TSGA13: variants seen among roughly 807,000 people sequenced by gnomAD.
TSGA13 encodes the protein testis specific 13.
Under a neutral mutation model 35.1 loss-of-function variants are expected in TSGA13, and 37 were observed. The ratio of observed to expected loss-of-function variants is 1.05; its 90% CI spans 0.81 to 1.39. TSGA13 has a LOEUF of 1.39. Ranked by LOEUF, TSGA13 falls within the 40% of genes most tolerant of loss-of-function variation. The pLI is 0.00. For synonymous variants in TSGA13, 124 were observed against 121.2 expected, an observed-to-expected ratio of 1.02 and a Z score of -0.15; for missense variants, 338 against 328.5, an observed-to-expected ratio of 1.03 and a Z score of -0.22.
At chr7:130,678,846 A>G (rs1554464514) in intron 5 of TSGA13, among the ~76,000 whole-genome samples, 2 of 151,994 alleles carry the variant, frequency 1.3e-5, no homozygotes, top group African/African-American at 4.8e-5. Flanking sequence ...ACATAGTGAG[A>G]CCCCCGTCTC....
intron 7 of TSGA13, among the ~76,000 whole-genome samples, chr7:130,670,884 C>T (rs559746542): frequency 7.2e-5 from 11 of 152,282 alleles, no homozygotes; most frequent in Middle Eastern, 3.4e-3. Flanking sequence ...GCCCCAGCCT[C>T]CCAAACTGCT....
intron 3 of TSGA13, among the ~76,000 whole-genome samples, chr7:130,683,162 G>A (rs1291976318): frequency 6.6e-6 from 1 of 152,186 alleles, no homozygotes; most frequent in Admixed American, 6.5e-5. Flanking sequence ...CCACAAGATT[G>A]TCCAAATTGG....
At chr7:130,678,493 C>A (rs1796464349) in intron 5 of TSGA13, among the ~76,000 whole-genome samples, 1 of 152,150 alleles carries the variant, frequency 6.6e-6, no homozygotes. Context: ...ATATTCATCC[C>A]TGTTTTTATT....
intron 5 of TSGA13, among the ~76,000 whole-genome samples, chr7:130,677,979 C>T (rs782766247): frequency 3.3e-5 from 5 of 152,188 alleles, no homozygotes; most frequent in African/African-American, 4.8e-5. Flanking sequence ...CAGAAACTGT[C>T]CTGTAATCAT....
At chr7:130,682,053 C>T (rs1269740590) in intron 3 of TSGA13, among the ~76,000 whole-genome samples, 1 of 152,040 alleles carries the variant, frequency 6.6e-6, no homozygotes, top group African/African-American at 2.4e-5. Flanking sequence ...GATCTTCCCT[C>T]CTCAGCATCC....
rs1554464681 is a variant in TSGA13, at chr7:130,679,277, G to C, written c.265C>G (p.Gln89Glu). 2 of 1,614,068 alleles carry C rather than the reference G, an allele frequency of 1.2e-6. No homozygotes were observed. Among genetic ancestry groups the C allele is most frequent in the Admixed American group, 1.7e-5 (1 of 60,002 alleles). Residue 89 changes from glutamine to glutamate, a missense_variant, in exon 5 of 8, where the codon CAG becomes GAG. Coordinates refer to ENST00000356588, the MANE Select transcript of TSGA13 (RefSeq NM_052933.4). Reference sequence around the variant, plus strand: ...AGTAACGTCTTATCCTGGTCATACTGTGTTACTTTTAACATGAAGCTGGTG... The same window carrying C: ...AGTAACGTCTTATCCTGGTCATACTCTGTTACTTTTAACATGAAGCTGGTG... ...KNTSFMLKVT[Q>E]YDQDKTLLIM...
In TSGA13 at chr7:130,669,070, A is replaced by G. The variant is rs1796181040; in HGVS notation, c.772T>C (p.Phe258Leu). The change falls in exon 8 of 8, where the codon TTC becomes CTC. Residue 258 changes from phenylalanine to leucine, a missense_variant. By Grantham distance (22) the Phe-to-Leu change is conservative (BLOSUM62 0). Transcript: ENST00000356588. ...CACTGCGGGGCCCTCCCGTTGCGGA[A>G]GGCGCTCTCCCCGGGCGCGGTTCTG... ...PTRTAPGESA[F>L]RNGRAPQWII... 1.2e-6 allele frequency: 2 copies of G among 1,614,176 alleles called. No individual in the cohort carries two copies. Among genetic ancestry groups the G allele is most frequent in the Non-Finnish European group, 1.7e-6 (2 of 1,180,040 alleles).
chr7:130,668,785 G>T lies in TSGA13; in HGVS notation c.*229C>A. ...GCTCTCACGCCGGTTGGGCCGCCGC[G>T]CCTTCACTCGGGGCCAAGGCCCGCC... On this transcript the variant is annotated 3_prime_UTR_variant, in exon 8 of 8. Coordinates refer to ENST00000356588, the MANE Select transcript of TSGA13 (RefSeq NM_052933.4). The T allele has an allele frequency of 7.5e-7, 1 of 1,336,960 alleles. No individual in the cohort carries two copies. The highest frequency in any genetic ancestry group is 1.0e-6 in the Non-Finnish European group (1 of 998,986). 82.8% of individuals were successfully genotyped at this position (1,336,960 alleles called of 1,614,324 possible).
chr7:130,672,716 G>A lies in TSGA13; in HGVS notation c.530+18C>T, dbSNP rs1796307769. ...AAGATAGGAAAGAAAGCAAGTACAA[G>A]AAGAAGCAAGATTTCACCTAAACCA... On this transcript the variant is annotated intron_variant, in intron 6 of 7. Transcript: ENST00000356588. The A allele has an allele frequency of 1.2e-6, 2 of 1,609,292 alleles. No individual in the cohort carries two copies. Among genetic ancestry groups the A allele is most frequent in the Non-Finnish European group, 1.7e-6 (2 of 1,177,788 alleles).
At chr7:130,669,208 G>T in intron 7 of TSGA13, 25 bp from the exon 8 acceptor site, 1 of 1,613,938 alleles carries the variant, frequency 6.2e-7, no homozygotes, top group East Asian at 2.2e-5. Context: ...AGGCACCCTG[G>T]TGAATGTGGC....
chr7:130,672,802 A>C lies in TSGA13; in HGVS notation c.462T>G (p.Ser154=). The change falls in exon 6 of 8, where the codon TCT becomes TCG. Residue 154 remains serine, a synonymous_variant. Transcript: ENST00000356588. ...TCAAAGGGAAGATTGGTTTCAGCTTAGATCTTAACTTTTTTTTCTGAGGCA... is the reference window on the plus strand; with the variant it reads ...TCAAAGGGAAGATTGGTTTCAGCTTCGATCTTAACTTTTTTTTCTGAGGCA... ...PRMPQKKKLR[S]KLKPIFPLIL... The C allele has an allele frequency of 6.2e-7, 1 of 1,614,180 alleles. No homozygotes were observed. Among genetic ancestry groups the C allele is most frequent in the Non-Finnish European group, 8.5e-7 (1 of 1,180,010 alleles).
At chr7:130,675,461 G>A (rs1484523879) in intron 5 of TSGA13, among the ~76,000 whole-genome samples, 1 of 151,966 alleles carries the variant, frequency 6.6e-6, no homozygotes, top group East Asian at 1.9e-4. Flanking sequence ...TCCACTCACT[G>A]CAACCTCCAC....
intron 7 of TSGA13, among the ~76,000 whole-genome samples, chr7:130,670,902 C>T (rs1005840593): frequency 1.6e-4 from 25 of 152,304 alleles, no homozygotes; most frequent in East Asian, 9.6e-4. Flanking sequence ...GCTAGGATTA[C>T]GGACACGCCC....
At chr7:130,669,847 T>G (rs901915750) in intron 7 of TSGA13, among the ~76,000 whole-genome samples, 1 of 152,250 alleles carries the variant, frequency 6.6e-6, no homozygotes, top group Non-Finnish European at 1.5e-5. Flanking sequence ...TAGGTGGAGT[T>G]TTCTTTGAAG....
chr7:130,672,772 C>A lies in TSGA13; in HGVS notation c.492G>T (p.Leu164=). 6.2e-7 allele frequency: 1 copy of A among 1,614,062 alleles called. No individual in the cohort carries two copies. The highest frequency in any genetic ancestry group is 8.5e-7 in the Non-Finnish European group (1 of 1,179,974). The stretch of plus-strand genomic sequence containing the variant: ...CTCGCTTGGATGTGGGATCATCCGA[C>A]AGTATCAAAGGGAAGATTGGTTTCA... ...SKLKPIFPLI[L]SDDPTSKREQ... is the part of the protein sequence containing the mutation. Residue 164 remains leucine (L), a synonymous_variant, in exon 6 of 8, where the codon CTG becomes CTT. Coordinates refer to ENST00000356588, the MANE Select transcript of TSGA13 (RefSeq NM_052933.4).
chr7:130,680,372 G>C (rs553331163), intron 4 of TSGA13, among the ~76,000 whole-genome samples: 11 of 152,150 alleles, frequency 7.2e-5, no homozygotes, highest in South Asian at 2.1e-4. Flanking sequence ...CAGGCGTAGT[G>C]GGGGGCGCCT....
intron 3 of TSGA13, among the ~76,000 whole-genome samples, chr7:130,681,354 T>C (rs1453992128): frequency 6.6e-6 from 1 of 152,178 alleles, no homozygotes; most frequent in African/African-American, 2.4e-5. Context: ...AGTCACTTCT[T>C]TCTTATGCCT....
Position 130,668,711 on chromosome 7 carries a change from A to C in TSGA13, c.*303T>G. ...CGCCCAGACCCACCGCAACCGTCCC[A>C]GGCGCCGCAGCCGGCGAGCGGAAGA... is the stretch of plus-strand genomic sequence containing the variant. On this transcript the variant is annotated 3_prime_UTR_variant, in exon 8 of 8. Transcript: ENST00000356588. The C allele has an allele frequency of 6.6e-7, 1 of 1,511,084 alleles. No individual in the cohort carries two copies. Among genetic ancestry groups the C allele is most frequent in the Non-Finnish European group, 8.9e-7 (1 of 1,129,518 alleles). The allele number at this position is 1,511,084 out of a possible 1,614,324, so 93.6% of individuals were successfully genotyped here.
chr7:130,671,908 G>A lies in TSGA13; in HGVS notation c.531-120C>T. 4 of 743,414 alleles carry A rather than the reference G, an allele frequency of 5.4e-6. No individual in the cohort carries two copies. The East Asian group carries it at 2.8e-4, about 53-fold the overall frequency. 46.1% of individuals were successfully genotyped at this position (743,414 alleles called of 1,614,324 possible). ...TTATTTTATTTTATGTATTTATTTT[G>A]AGACACAAGTCTTGTTCTGTCACCC... On this transcript the variant is annotated intron_variant, in intron 6 of 7. Coordinates refer to ENST00000356588, the MANE Select transcript of TSGA13 (RefSeq NM_052933.4).
Sources: allele counts gnomAD v4.1 joint callset (sites outside exome capture counted in the v4.1 genomes callset), GRCh38; gene constraint gnomAD v4.1.1; transcripts MANE v1.5; gene names NCBI Gene and HGNC (gene_info 2026-07-23, HGNC 2026-07-21).